The following GABRG3 variants were observed in gnomAD, a reference collection of about 807,000 sequenced individuals.
GABRG3 encodes the protein gamma-aminobutyric acid receptor subunit gamma-3.
Under a neutral mutation model 48.8 loss-of-function variants are expected in GABRG3, and 25 were observed. That is an observed-to-expected ratio of 0.51 (90% CI 0.37 to 0.72). GABRG3 has a LOEUF of 0.72. Among genes scored for constraint, GABRG3 ranks in the 30% least tolerant of loss-of-function variants. GABRG3 has a pLI of 0.00. For missense variants in GABRG3, 394 were observed against 577.9 expected, an observed-to-expected ratio of 0.68 and a Z score of 3.26; for synonymous variants, 227 against 217.6, an observed-to-expected ratio of 1.04 and a Z score of -0.38.
At chr15:27,126,168 G>C (rs955307260) in intron 3 of GABRG3, among the ~76,000 whole-genome samples, 1 of 152,074 alleles carries the variant, frequency 6.6e-6, no homozygotes, top group African/African-American at 2.4e-5. Context: ...AGAGAACAGG[G>C]CTTCTTTATT....
chr15:27,386,551 T>C (rs1410748098), intron 5 of GABRG3, among the ~76,000 whole-genome samples: 3 of 151,220 alleles, frequency 2.0e-5, no homozygotes, highest in African/African-American at 7.3e-5. Context: ...CTTGGGGGAC[T>C]TTTTTTTTCA....
chr15:27,413,442 A>G (rs1238445992), intron 5 of GABRG3, among the ~76,000 whole-genome samples: 1 of 152,208 alleles, frequency 6.6e-6, no homozygotes, highest in Admixed American at 6.5e-5. Flanking sequence ...GTTTAGGGGG[A>G]AAACGGTATT....
chr15:27,018,368 G>A (rs1042751878), intron 2 of GABRG3, among the ~76,000 whole-genome samples: 1 of 152,138 alleles, frequency 6.6e-6, no homozygotes, highest in Non-Finnish European at 1.5e-5. Context: ...CTTAACACCA[G>A]TGTTTTTATT....
At chr15:27,221,244 A>G (rs7495580) in intron 3 of GABRG3, among the ~76,000 whole-genome samples, 25,331 of 151,894 alleles carry the variant, frequency 0.17, 2,753 homozygotes, top group East Asian at 0.41. Context: ...GACATTTGCT[A>G]TGCTCCTTGA....
intron 3 of GABRG3, among the ~76,000 whole-genome samples, chr15:27,292,605 C>G (rs1053041298): frequency 6.6e-6 from 1 of 151,928 alleles, no homozygotes; most frequent in African/African-American, 2.4e-5. Context: ...TAATTTTTTT[C>G]TGGAACTTTC....
chr15:27,461,302 T>C (rs1201332168), intron 5 of GABRG3, among the ~76,000 whole-genome samples: 1 of 152,222 alleles, frequency 6.6e-6, no homozygotes, highest in African/African-American at 2.4e-5. Context: ...GCTGGCACTG[T>C]ATTTCTGTCA....
chr15:27,307,188 T>A (rs905474039), intron 3 of GABRG3, among the ~76,000 whole-genome samples: 2 of 137,538 alleles, frequency 1.5e-5, no homozygotes, highest in African/African-American at 5.1e-5. Context: ...TATAAACATG[T>A]TTATATTATA....
At chr15:27,049,721 A>G (rs1038054423) in intron 3 of GABRG3, among the ~76,000 whole-genome samples, 18 of 152,274 alleles carry the variant, frequency 1.2e-4, no homozygotes, top group Non-Finnish European at 2.1e-4. Flanking sequence ...TGTTTAGTGC[A>G]ATAGCTCATA....
chr15:27,047,278 A>C (rs954657937), intron 3 of GABRG3, among the ~76,000 whole-genome samples: 2 of 152,150 alleles, frequency 1.3e-5, no homozygotes, highest in African/African-American at 4.8e-5. Context: ...TGCACTATGC[A>C]TGTTTGGGTA....
chr15:27,432,367 A>G (rs1036870392), intron 5 of GABRG3, among the ~76,000 whole-genome samples: 3 of 152,196 alleles, frequency 2.0e-5, no homozygotes, highest in East Asian at 1.9e-4. Context: ...TTCAAGTTAG[A>G]CAGGAAAAGA....
intron 3 of GABRG3, among the ~76,000 whole-genome samples, chr15:27,100,034 G>T (rs925376006): frequency 1.3e-5 from 2 of 152,020 alleles, no homozygotes; most frequent in African/African-American, 4.8e-5. Context: ...GGCCAACATG[G>T]TGAAACCCCG....
rs1171013038 is a variant in GABRG3, at chr15:27,307,258, ATAT to A, written c.271-19547_271-19545del. ...TATATGTTTATATATAACCATGTTC[ATAT>A]TATATGTTTATATATAACCATAGGT... On this transcript the variant is annotated intron_variant, in intron 3 of 9. Coordinates refer to ENST00000615808, the MANE Select transcript of GABRG3 (RefSeq NM_033223.5). Among the ~76,000 whole-genome samples the A allele has an allele frequency of 3.9e-4, 20 of 51,892 alleles. 1 individual carries two copies. Among genetic ancestry groups the A allele is most frequent in the African/African-American group, 1.2e-3 (20 of 16,096 alleles). The allele number at this position is 51,892 out of a possible 152,430, so 34.0% of individuals were successfully genotyped here. A position where few individuals can be genotyped will look rare whatever the true frequency, so the allele number is the denominator to read the frequency against.
intron 3 of GABRG3, among the ~76,000 whole-genome samples, chr15:27,115,891 G>A (rs1737663019): frequency 6.6e-6 from 1 of 152,130 alleles, no homozygotes; most frequent in African/African-American, 2.4e-5. Context: ...AGACAATGAA[G>A]GGGTAAAGTC....
chr15:27,216,927 CT>C (rs1277001489), intron 3 of GABRG3, among the ~76,000 whole-genome samples: 4 of 142,502 alleles, frequency 2.8e-5, no homozygotes, highest in African/African-American at 1.1e-4. Context: ...TCCCTGCCCC[CT>C]CCCCCGACCC....
chr15:27,533,795 C>T lies in GABRG3; in HGVS notation c.*914C>T, dbSNP rs139820458. ...TGAACACAACCTGTTATCTTGAAGA[C>T]ATACACCGGAATGTGAAAGACATGT... On this transcript the variant is annotated 3_prime_UTR_variant, in exon 10 of 10. Transcript: ENST00000615808. 8.0e-4 allele frequency: 122 copies of T among 152,236 alleles called. 1 individual carries two copies. The highest frequency in any genetic ancestry group is 2.6e-3 in the African/African-American group (106 of 41,546). 9.4% of individuals were successfully genotyped at this position (152,236 alleles called of 1,614,324 possible).
chr15:27,232,987 G>T (rs1372276897), intron 3 of GABRG3, among the ~76,000 whole-genome samples: 3 of 152,200 alleles, frequency 2.0e-5, no homozygotes, highest in Admixed American at 2.0e-4. Context: ...AAGCCGGTAG[G>T]CTGCTGTGGG....
chr15:27,308,765 TACGTTTATATATAAAACAC>T (rs1892867241), intron 3 of GABRG3, among the ~76,000 whole-genome samples: 1 of 149,960 alleles, frequency 6.7e-6, no homozygotes, highest in Non-Finnish European at 1.5e-5. Context: ...AATGTAAACA[TACGTTTATATATAAAACAC>T]AATGTAAACA....
At chr15:27,272,145 G>T (rs1468086994) in intron 3 of GABRG3, among the ~76,000 whole-genome samples, 1 of 152,254 alleles carries the variant, frequency 6.6e-6, no homozygotes, top group Non-Finnish European at 1.5e-5. Context: ...GAGGCTAGTG[G>T]ATTTCTTCCC....
At chr15:27,412,645 G>A (rs564542959) in intron 5 of GABRG3, among the ~76,000 whole-genome samples, 5 of 152,306 alleles carry the variant, frequency 3.3e-5, no homozygotes, top group African/African-American at 9.6e-5. Context: ...GCTCTCACAC[G>A]CTTGAACGTG....
Sources: allele counts gnomAD v4.1 joint callset (sites outside exome capture counted in the v4.1 genomes callset), GRCh38; gene constraint gnomAD v4.1.1; transcripts MANE v1.5; gene names NCBI Gene and HGNC (gene_info 2026-07-23, HGNC 2026-07-21).